The following SLC13A3 variants were observed in gnomAD, a reference collection of about 807,000 sequenced individuals.
SLC13A3 encodes solute carrier family 13 member 3, also known as Na(+)/dicarboxylate cotransporter 3.
A neutral mutation model predicts 59.0 loss-of-function variants in SLC13A3; 40 were observed. The observed-to-expected ratio is 0.68, with a 90% CI of 0.53 to 0.88. The LOEUF (loss-of-function observed/expected upper bound fraction) is 0.88. Ranked by LOEUF, SLC13A3 falls within the 40% of genes least tolerant of loss-of-function variation. The pLI, the probability that SLC13A3 is intolerant of heterozygous loss-of-function variation, is 0.00. For synonymous variants in SLC13A3, 317 were observed against 330.3 expected, an observed-to-expected ratio of 0.96 and a Z score of 0.44; for missense variants, 699 against 783.2, an observed-to-expected ratio of 0.89 and a Z score of 1.28.
chr20:46,648,915 T>TCA (rs533558646), intron 1 of SLC13A3, among the ~76,000 whole-genome samples: 6,240 of 145,228 alleles, frequency 0.043, 137 homozygotes, highest in Admixed American at 0.074. Flanking sequence ...TCTCTCTCTC[T>TCA]CACACACACA....
chr20:46,577,232 C>T (rs1340212874), intron 9 of SLC13A3, among the ~76,000 whole-genome samples: 1 of 152,102 alleles, frequency 6.6e-6, no homozygotes, highest in African/African-American at 2.4e-5. Flanking sequence ...CGTATGCAAC[C>T]TACAGGTGTA....
chr20:46,679,812 G>A (rs953016296), intron 1 of SLC13A3, among the ~76,000 whole-genome samples: 5 of 152,026 alleles, frequency 3.3e-5, no homozygotes, highest in Non-Finnish European at 5.9e-5. Flanking sequence ...GGAGGCTGAG[G>A]TGGGAGAATT....
At chr20:46,644,724 C>T (rs865872183) in intron 1 of SLC13A3, among the ~76,000 whole-genome samples, 2 of 152,144 alleles carry the variant, frequency 1.3e-5, no homozygotes, top group African/African-American at 4.8e-5. Flanking sequence ...AAGCCTGGAA[C>T]CTTTTTGACC....
At chr20:46,616,194 C>A (rs1279784528) in intron 1 of SLC13A3, among the ~76,000 whole-genome samples, 3 of 152,184 alleles carry the variant, frequency 2.0e-5, no homozygotes, top group African/African-American at 4.8e-5. Context: ...CTTTGAGAAT[C>A]ACAAGACCAG....
At chr20:46,665,818 C>A (rs6012004) in intron 1 of SLC13A3, among the ~76,000 whole-genome samples, 3,501 of 152,324 alleles carry the variant, frequency 0.023, 49 homozygotes, top group Middle Eastern at 0.048. Flanking sequence ...AACTGCCCAA[C>A]TGTTTTCCAA....
At chr20:46,585,744 CT>C in intron 8 of SLC13A3, 1 of 1,294,356 alleles carries the variant, frequency 7.7e-7, no homozygotes, top group South Asian at 1.3e-5. Flanking sequence ...CATTTTGCAT[CT>C]GAAAAAAATA....
rs755283341 is a variant in SLC13A3, at chr20:46,596,271, C to T, written c.680G>A (p.Arg227His). 5.0e-6 allele frequency: 8 copies of T among 1,614,166 alleles called. No homozygotes were observed. The East Asian group carries it at 6.7e-5, about 13-fold the overall frequency. ...PADSRKEDEY[R>H]RNIWKGFLIS... Reference sequence around the variant, plus strand: ...GAGGAAGCCCTTCCAGATGTTCCGACGATATTCATCCTCCTTCCTGGAGTC... The same window carrying T: ...GAGGAAGCCCTTCCAGATGTTCCGATGATATTCATCCTCCTTCCTGGAGTC... Residue 227 changes from arginine (R) to histidine (H), a missense_variant, in exon 5 of 13, where the codon CGT (arginine) becomes CAT (histidine). Arg to His is a conservative substitution (Grantham distance 29, BLOSUM62 0). Coordinates refer to ENST00000279027, the MANE Select transcript of SLC13A3 (RefSeq NM_022829.6).
chr20:46,596,913 C>T (rs1600535979), intron 4 of SLC13A3, among the ~76,000 whole-genome samples: 1 of 152,046 alleles, frequency 6.6e-6, no homozygotes, highest in African/African-American at 2.4e-5. Flanking sequence ...ATCAGCTGGG[C>T]ATGGTGGCAC....
At chr20:46,674,604 C>CGCGCGCGTGTGT (rs370861850), upstream of SLC13A3, among the ~76,000 whole-genome samples, 263 of 127,916 alleles carry the variant, frequency 2.1e-3, 2 homozygotes, top group African/African-American at 7.8e-3. Context: ...CGCGCGCGCG[C>CGCGCGCGTGTGT]GTGTGTGTGT....
chr20:46,647,550 C>T (rs2062907199), intron 1 of SLC13A3, among the ~76,000 whole-genome samples: 1 of 152,274 alleles, frequency 6.6e-6, no homozygotes, highest in Admixed American at 6.5e-5. Flanking sequence ...CAGCACTCTT[C>T]ATAGCAAGAG....
chr20:46,677,474 G>A (rs750580884), intron 1 of SLC13A3, among the ~76,000 whole-genome samples: 12 of 152,168 alleles, frequency 7.9e-5, no homozygotes, highest in African/African-American at 2.7e-4. Context: ...GAATGGGGGC[G>A]AGGGGAGCTG....
At chr20:46,575,729 C>A in intron 9 of SLC13A3, 44 bp from the exon 10 acceptor site, 1 of 1,305,614 alleles carries the variant, frequency 7.7e-7, no homozygotes, top group Non-Finnish European at 1.1e-6. Flanking sequence ...GGCCGCTCAG[C>A]CTGAGGCAGA....
Position 46,578,173 on chromosome 20 carries a change from G to A in SLC13A3, c.1220-2488C>T, listed in dbSNP as rs189404980. ...TCTCGATCTCCTGACCTCATGATCC[G>A]CCCGCCTCGGCCTCCCAAAGTGCTG... is the stretch of plus-strand genomic sequence containing the variant. On this transcript the variant is annotated intron_variant, in intron 9 of 12. Coordinates refer to ENST00000279027, the MANE Select transcript of SLC13A3 (RefSeq NM_022829.6). Among the ~76,000 whole-genome samples, 241 of 151,338 alleles carry A rather than the reference G, an allele frequency of 1.6e-3. No individual in the cohort carries two copies. In the East Asian group the frequency reaches 0.044, roughly 28 times the overall value.
At chr20:46,664,625 T>C (rs1368113668) in intron 1 of SLC13A3, among the ~76,000 whole-genome samples, 3 of 152,122 alleles carry the variant, frequency 2.0e-5, no homozygotes, top group African/African-American at 4.8e-5. Context: ...ATGAGTAAAA[T>C]GTATTATAAT....
chr20:46,563,635 A>G (rs2061953894), intron 11 of SLC13A3, 84 bp from the exon 12 acceptor site: 5 of 1,427,722 alleles, frequency 3.5e-6, no homozygotes. Flanking sequence ...AGAGAGAGGC[A>G]GTTGGAAAGA....
chr20:46,683,702 T>C lies in SLC13A3; in HGVS notation c.-31+694A>G, dbSNP rs556519402. ...AATTTCTGCTCTTCACCTCACTCTT[T>C]GTGGGTCCCTGTCCTTGATCTCCGT... On this transcript the variant is annotated intron_variant, in intron 1 of 6. Transcript: ENST00000372121. Among the ~76,000 whole-genome samples the C allele has an allele frequency of 5.9e-5, 9 of 152,316 alleles. No individual in the cohort carries two copies. The East Asian group carries it at 1.4e-3, about 23-fold the overall frequency.
chr20:46,602,834 C>T (rs1278568776), intron 3 of SLC13A3, among the ~76,000 whole-genome samples: 1 of 152,084 alleles, frequency 6.6e-6, no homozygotes. Flanking sequence ...TACCTCAGTT[C>T]TTTAATGATA....
At chr20:46,640,709 A>G (rs2062839264) in intron 1 of SLC13A3, among the ~76,000 whole-genome samples, 1 of 152,124 alleles carries the variant, frequency 6.6e-6, no homozygotes, top group African/African-American at 2.4e-5. Context: ...CCAAGTCCCC[A>G]GTGCATCTCA....
chr20:46,659,707 C>T (rs551274250), intron 1 of SLC13A3, among the ~76,000 whole-genome samples: 12 of 147,258 alleles, frequency 8.1e-5, no homozygotes, highest in African/African-American at 2.8e-4. Context: ...CAGAGTGAGA[C>T]CCTATCCCCC....
Sources: allele counts gnomAD v4.1 joint callset (sites outside exome capture counted in the v4.1 genomes callset), GRCh38; gene constraint gnomAD v4.1.1; transcripts MANE v1.5; gene names NCBI Gene and HGNC (gene_info 2026-07-23, HGNC 2026-07-21).